Variants in ARHGAP22 observed in about 807,000 individuals in gnomAD.
ARHGAP22 encodes Rho GTPase activating protein 22.
A neutral mutation model predicts 59.1 loss-of-function variants in ARHGAP22; 48 were observed. That is an observed-to-expected ratio of 0.81 (90% CI 0.64 to 1.03). ARHGAP22 has a LOEUF of 1.03. Ranked by LOEUF, ARHGAP22 falls within the 50% of genes least tolerant of loss-of-function variation. ARHGAP22 has a pLI of 0.00. For synonymous variants in ARHGAP22, 445 were observed against 416.4 expected (o/e 1.07, Z -0.84); for missense variants, 1,015 against 958.7 (o/e 1.06, Z -0.78).
chr10:48,508,177 G>A (rs2052356710), intron 3 of ARHGAP22, among the ~76,000 whole-genome samples: 1 of 152,150 alleles, frequency 6.6e-6, no homozygotes, highest in South Asian at 2.1e-4. Context: ...TCAGCCTCTG[G>A]CCCAGCTTTC....
rs375914608 is a variant in ARHGAP22, at chr10:48,459,869, C to T, written c.474G>A (p.Glu158=). 23 of 1,612,556 alleles carry T rather than the reference C, an allele frequency of 1.4e-5. No individual in the cohort carries two copies. The highest frequency in any genetic ancestry group is 1.9e-5 in the Non-Finnish European group (23 of 1,179,952). The change falls in exon 5 of 10, where the codon GAG becomes GAA. Residue 158 remains glutamate (E), a synonymous_variant. Coordinates refer to ENST00000249601, the MANE Select transcript of ARHGAP22 (RefSeq NM_021226.4). ...LGGGIFGQRL[E]ETVHHERKYG... ...ACTTCCGCTCGTGGTGGACTGTTTC[C>T]TCTAGGCGCTGCCCAAAGATCCCTG...
At chr10:48,505,171 A>T (rs1304780149) in intron 3 of ARHGAP22, among the ~76,000 whole-genome samples, 1 of 152,138 alleles carries the variant, frequency 6.6e-6, no homozygotes, top group Non-Finnish European at 1.5e-5. Context: ...CTCCTGCCTC[A>T]GCTTCCTGAG....
intron 1 of ARHGAP22, among the ~76,000 whole-genome samples, chr10:48,648,485 C>T (rs921385690): frequency 6.6e-6 from 1 of 152,154 alleles, no homozygotes; most frequent in African/African-American, 2.4e-5. Context: ...GTTTCTCGGG[C>T]CTCTGGTCTG....
rs150252007 is a variant in ARHGAP22, at chr10:48,630,416, G to A, written c.52+21818C>T. Among the ~76,000 whole-genome samples, 80 of 152,242 alleles carry A rather than the reference G, an allele frequency of 5.3e-4. 1 individual carries two copies. Among genetic ancestry groups the A allele is most frequent in the Non-Finnish European group, 9.3e-4 (63 of 68,022 alleles). On this transcript the variant is annotated intron_variant, in intron 1 of 9. Transcript: ENST00000435790. ...AGAAATGACATCTTAACAATATTGA[G>A]TCTTCTAATCCATGACAGCGGAACA... is the stretch of plus-strand genomic sequence containing the variant.
chr10:48,555,503 G>C lies in ARHGAP22; in HGVS notation c.282C>G (p.Gly94=). 6.2e-7 allele frequency: 1 copy of C among 1,614,222 alleles called. No homozygotes were observed. The highest frequency in any genetic ancestry group is 8.5e-7 in the Non-Finnish European group (1 of 1,180,030). The part of the protein sequence containing the change: ...QGTQVTELPP[G]PEDPGKHLFE... ...AGAGGTGCTTCCCTGGGTCCTCGGG[G>C]CCAGGAGGAAGTTCAGTCACCTGTG... The change falls in exon 3 of 10, where the codon GGC becomes GGG. Residue 94 remains glycine, a synonymous_variant. Coordinates refer to ENST00000249601, the MANE Select transcript of ARHGAP22 (RefSeq NM_021226.4).
At chr10:48,534,267 A>G (rs929850977) in intron 3 of ARHGAP22, among the ~76,000 whole-genome samples, 4 of 152,176 alleles carry the variant, frequency 2.6e-5, no homozygotes, top group African/African-American at 9.7e-5. Flanking sequence ...CTTGCTGTTC[A>G]TGTGGCCTGA....
At chr10:48,449,545 G>A (rs2045689785) in intron 9 of ARHGAP22, among the ~76,000 whole-genome samples, 2 of 152,218 alleles carry the variant, frequency 1.3e-5, no homozygotes, top group South Asian at 4.1e-4. Flanking sequence ...TAGTGGGTGG[G>A]ACCCAGGTGA....
In ARHGAP22 at chr10:48,635,242, C is replaced by T. The variant is rs570164344; in HGVS notation, c.52+16992G>A. 3.3e-3 allele frequency among the ~76,000 whole-genome samples: 502 copies of T among 152,258 alleles called. 2 individuals carry two copies. Among genetic ancestry groups the T allele is most frequent in the Non-Finnish European group, 5.9e-3 (399 of 68,002 alleles). ...CCCCCACCCCCACTTCTGCACTGGG[C>T]CTGGTGTTTCCCTGGACCCCGACTC... On this transcript the variant is annotated intron_variant, in intron 1 of 9. Coordinates refer to the ARHGAP22 transcript ENST00000435790.
rs560459323 is a variant in ARHGAP22, at chr10:48,472,732, A to C, written c.451+6904T>G. The stretch of plus-strand genomic sequence containing the variant: ...GGCGTCAGTCTAGCACACTTCCACT[A>C]GATGTCCCCTTGGCTCACTCTCTCA... On this transcript the variant is annotated intron_variant, in intron 4 of 9. Transcript: ENST00000249601. Among the ~76,000 whole-genome samples, 15 of 152,134 alleles carry C rather than the reference A, an allele frequency of 9.9e-5. No individual in the cohort carries two copies. In the South Asian group the frequency reaches 2.5e-3, roughly 25 times the overall value.
chr10:48,624,285 C>T (rs913993777), intron 1 of ARHGAP22: 1 of 152,216 alleles, frequency 6.6e-6, no homozygotes, highest in Non-Finnish European at 1.5e-5. Flanking sequence ...GCTAAAAATA[C>T]AAAAAAACTA....
At chr10:48,531,826 G>C (rs1484611116) in intron 3 of ARHGAP22, among the ~76,000 whole-genome samples, 7 of 152,162 alleles carry the variant, frequency 4.6e-5, no homozygotes, top group Non-Finnish European at 1.0e-4. Flanking sequence ...AAAAGGAATG[G>C]GACTCGATGG....
intron 2 of ARHGAP22, among the ~76,000 whole-genome samples, chr10:48,576,906 T>TCC (rs1588902070): frequency 1.1e-5 from 1 of 89,842 alleles, no homozygotes; most frequent in East Asian, 3.4e-4. Flanking sequence ...CACCCATCCC[T>TCC]CCCCACACCG....
chr10:48,456,627 C>T (rs1347587796), intron 5 of ARHGAP22, among the ~76,000 whole-genome samples: 1 of 152,142 alleles, frequency 6.6e-6, no homozygotes, highest in Admixed American at 6.5e-5. Context: ...GCAGCCAGCC[C>T]GTATGTCTTC....
chr10:48,463,197 G>T (rs967630881), intron 4 of ARHGAP22, among the ~76,000 whole-genome samples: 4 of 152,182 alleles, frequency 2.6e-5, no homozygotes, highest in Admixed American at 2.0e-4. Context: ...ACTCACACTT[G>T]CTACTTCTCC....
chr10:48,618,807 G>A (rs868142578), intron 1 of ARHGAP22, among the ~76,000 whole-genome samples: 4 of 151,914 alleles, frequency 2.6e-5, no homozygotes, highest in Admixed American at 6.6e-5. Context: ...GCCCACTCTC[G>A]CCACTGTTAT....
At chr10:48,500,903 A>G (rs1732599653) in intron 3 of ARHGAP22, among the ~76,000 whole-genome samples, 1 of 152,044 alleles carries the variant, frequency 6.6e-6, no homozygotes, top group Non-Finnish European at 1.5e-5. Context: ...AAAAAAAAAA[A>G]AAAAGATTTA....
In ARHGAP22 at chr10:48,457,219, C is replaced by G. The variant is rs1043318913; in HGVS notation, c.660-2085G>C. Among the ~76,000 whole-genome samples, 6 of 152,240 alleles carry G rather than the reference C, an allele frequency of 3.9e-5. No homozygotes were observed. The South Asian group carries it at 1.2e-3, about 32-fold the overall frequency. ...CATCTATGCAGAACACGCCATGCCT[C>G]CAGCCTGGTCCTGACTCGCCTCACT... On this transcript the variant is annotated intron_variant, in intron 5 of 9. Transcript: ENST00000249601.
intron 3 of ARHGAP22, among the ~76,000 whole-genome samples, chr10:48,521,047 A>C (rs1030917588): frequency 2.0e-5 from 3 of 152,178 alleles, no homozygotes; most frequent in African/African-American, 7.2e-5. Context: ...AACATGCCCC[A>C]GAAACAATAC....
chr10:48,494,935 A>C (rs545098431), intron 3 of ARHGAP22, among the ~76,000 whole-genome samples: 1 of 152,192 alleles, frequency 6.6e-6, no homozygotes, highest in South Asian at 2.1e-4. Flanking sequence ...ACTCCCTCTC[A>C]TTTAAAGCCT....
Sources: gnomAD v4.1 joint callset for allele counts (sites outside exome capture counted in the v4.1 genomes callset) on GRCh38, gnomAD v4.1.1 for gene constraint, MANE v1.5 for transcripts, NCBI Gene and HGNC (gene_info 2026-07-23, HGNC 2026-07-21) for gene names.